The following PPM1A variants were observed in gnomAD, a reference collection of about 807,000 sequenced individuals.
PPM1A encodes protein phosphatase, Mg2+/Mn2+ dependent 1A.
PPM1A carries 7 observed loss-of-function variants against 35.0 expected under a neutral mutation model. That is an observed-to-expected ratio of 0.20 (90% CI 0.11 to 0.38). The LOEUF (loss-of-function observed/expected upper bound fraction) is 0.38, where lower values mean the gene tolerates loss of function less well. Among genes scored for constraint, PPM1A ranks in the 10% least tolerant of loss-of-function variants. PPM1A has a pLI of 1.00. For synonymous variants in PPM1A, 153 were observed against 167.3 expected (o/e 0.91, Z 0.66); for missense variants, 239 against 467.8 (o/e 0.51, Z 4.51).
In PPM1A at chr14:60,289,146, T is replaced by C. The variant is rs1003594512; in HGVS notation, c.953-660T>C. ...CTTTTTAAACATTTTATAAGGAAAT[T>C]TAGACCTTTTCTATTCAAGGCTTTG... On this transcript the variant is annotated intron_variant, in intron 3 of 5. Coordinates refer to ENST00000395076, the MANE Select transcript of PPM1A (RefSeq NM_021003.5). This position sits in a 1 kb window ranked among gnomAD's most constrained non-coding sequence, Gnocchi z 4.1. Among the ~76,000 whole-genome samples, 1 of 152,118 alleles carries C rather than the reference T, an allele frequency of 6.6e-6. No individual in the cohort carries two copies. Among genetic ancestry groups the C allele is most frequent in the Non-Finnish European group, 1.5e-5 (1 of 67,970 alleles).
At chr14:60,265,091 A>G (rs186358329) in intron 1 of PPM1A, among the ~76,000 whole-genome samples, 1 of 152,140 alleles carries the variant, frequency 6.6e-6, no homozygotes, top group Non-Finnish European at 1.5e-5. Context: ...GTGTTTTTAC[A>G]TGCACCTACA....
At chr14:60,286,714 C>T (rs982958918) in intron 3 of PPM1A, 1 of 983,838 alleles carries the variant, frequency 1.0e-6, no homozygotes, top group Non-Finnish European at 1.2e-6. Context: ...TGATACCAAT[C>T]ATAATCAGTC....
chr14:60,266,965 CTTG>C (rs1884460879), intron 1 of PPM1A, among the ~76,000 whole-genome samples: 1 of 152,004 alleles, frequency 6.6e-6, no homozygotes, highest in Non-Finnish European at 1.5e-5. Flanking sequence ...GGTTCTATTT[CTTG>C]TTATTTATTT....
intron 5 of PPM1A, 148 bp downstream of exon 5, chr14:60,291,602 T>C: frequency 2.0e-6 from 1 of 507,298 alleles, no homozygotes; most frequent in Non-Finnish European, 3.3e-6. Flanking sequence ...TGCTCTGATC[T>C]CTGCCTGCAC....
intron 5 of PPM1A, 40 bp downstream of exon 5, chr14:60,291,494 C>G (rs200108587): frequency 1.3e-6 from 2 of 1,491,122 alleles, no homozygotes; most frequent in Non-Finnish European, 1.8e-6. Flanking sequence ...CCCTTCCCCT[C>G]CACTCTAAAT....
In PPM1A at chr14:60,273,683, T is replaced by A. The variant is rs1249069924; in HGVS notation, c.-20-9001T>A. 6.6e-6 allele frequency among the ~76,000 whole-genome samples: 1 copy of A among 152,190 alleles called. No individual in the cohort carries two copies. Among genetic ancestry groups the A allele is most frequent in the East Asian group, 1.9e-4 (1 of 5,190 alleles). ...CGTGAAGAGACTAAAGACGCTAGTA[T>A]TCTGCAGTGAGAATGATGGTAACTT... On this transcript the variant is annotated intron_variant, in intron 1 of 5. Transcript: ENST00000395076. The surrounding 1 kb of genome is among the most constrained non-coding windows in gnomAD (Gnocchi z 4.3).
chr14:60,283,212 T>A lies in PPM1A; in HGVS notation c.509T>A (p.Leu170Gln), dbSNP rs1886596127. 6.2e-7 allele frequency: 1 copy of A among 1,614,112 alleles called. No individual in the cohort carries two copies. Among genetic ancestry groups the A allele is most frequent in the Non-Finnish European group, 8.5e-7 (1 of 1,180,048 alleles). Reference protein sequence around the residue: ...FTQDHKPSNPLEKERIQNAGG... With the variant: ...FTQDHKPSNPQEKERIQNAGG... ...CAAGATCACAAACCAAGTAATCCGC[T>A]GGAGAAAGAACGAATTCAGAATGCA... is the stretch of plus-strand genomic sequence containing the variant. Residue 170 changes from leucine to glutamine, a missense_variant, in exon 2 of 6, where the codon CTG becomes CAG. By Grantham distance (113) the Leu-to-Gln change is moderately radical. Transcript: ENST00000395076. The surrounding 1 kb of genome is among the most constrained non-coding windows in gnomAD (Gnocchi z 6.3).
Position 60,295,739 on chromosome 14 carries a change from T to C in PPM1A, c.*3257T>C, listed in dbSNP as rs1888009972. On this transcript the variant is annotated 3_prime_UTR_variant, in exon 6 of 6. Coordinates refer to ENST00000395076, the MANE Select transcript of PPM1A (RefSeq NM_021003.5). The stretch of plus-strand genomic sequence containing the variant: ...TATAATCTAGTGTATGTTAGTATTA[T>C]AACTGGATCACTCATCAAAAAATAT... 1 of 151,634 alleles carries C rather than the reference T, an allele frequency of 6.6e-6. No individual in the cohort carries two copies. Among genetic ancestry groups the C allele is most frequent in the South Asian group, 2.1e-4 (1 of 4,832 alleles). 9.4% of individuals were successfully genotyped at this position (151,634 alleles called of 1,614,324 possible). A position where few individuals can be genotyped will look rare whatever the true frequency, so the allele number is the denominator to read the frequency against.
chr14:60,262,139 G>C (rs1356827293), intron 1 of PPM1A, among the ~76,000 whole-genome samples: 1 of 152,138 alleles, frequency 6.6e-6, no homozygotes, highest in Non-Finnish European at 1.5e-5. Context: ...GTTTATAGTA[G>C]TAGAAACCAA....
intron 1 of PPM1A, among the ~76,000 whole-genome samples, chr14:60,250,174 A>G (rs1294165924): frequency 6.6e-6 from 1 of 152,108 alleles, no homozygotes; most frequent in African/African-American, 2.4e-5. Context: ...ATTCTGTAGA[A>G]ATTGCTTAAG....
At chr14:60,246,572 G>A (rs1881796844), upstream of PPM1A, among the ~76,000 whole-genome samples, 2 of 152,142 alleles carry the variant, frequency 1.3e-5, no homozygotes. Flanking sequence ...CCAAATATGT[G>A]TAGAGGCCCG....
upstream of PPM1A, chr14:60,245,751 T>C (rs1881741486): frequency 4.3e-6 from 5 of 1,152,828 alleles, no homozygotes; most frequent in African/African-American, 1.6e-5. This position sits in a 1 kb window ranked among gnomAD's most constrained non-coding sequence, Gnocchi z 4.2. Flanking sequence ...AAGTTTCTCA[T>C]AATGTATTAT....
At position 60,284,095 on chromosome 14, in the gene PPM1A, T is replaced by C. The variant is rs147163240; in HGVS notation, c.834+558T>C. ...CTATTTAAACTCTAATCAGTTTTTT[T>C]CATCATAAAAAGGATAAGACATTAT... On this transcript the variant is annotated intron_variant, in intron 2 of 5. Transcript: ENST00000395076. Among the ~76,000 whole-genome samples the C allele has an allele frequency of 2.0e-3, 298 of 152,354 alleles. 1 individual carries two copies. The highest frequency in any genetic ancestry group is 6.7e-3 in the African/African-American group (277 of 41,584).
At chr14:60,287,019 T>G in intron 3 of PPM1A, 2 of 921,526 alleles carry the variant, frequency 2.2e-6, no homozygotes, top group Non-Finnish European at 2.6e-6. Context: ...TGGGAAAATT[T>G]AAATTCATAA....
At chr14:60,288,317 A>G (rs938267861) in intron 3 of PPM1A, 5 of 963,588 alleles carry the variant, frequency 5.2e-6, no homozygotes, top group Middle Eastern at 1.1e-3. Flanking sequence ...ACCTGAAACT[A>G]TTGATTCAAT....
chr14:60,276,830 A>G (rs774032948), intron 1 of PPM1A, among the ~76,000 whole-genome samples: 1 of 152,188 alleles, frequency 6.6e-6, no homozygotes, highest in Non-Finnish European at 1.5e-5. Flanking sequence ...TCAAGACTCT[A>G]CTATGAGTTC....
At chr14:60,285,886 T>G in intron 3 of PPM1A, 145 bp downstream of exon 3, 1 of 1,430,854 alleles carries the variant, frequency 7.0e-7, no homozygotes, top group South Asian at 1.6e-5. Context: ...ATTTCTGTAG[T>G]AGCTGTTAAG....
At chr14:60,285,947 G>T in intron 3 of PPM1A, 9 of 1,265,200 alleles carry the variant, frequency 7.1e-6, no homozygotes, top group Non-Finnish European at 9.0e-6. Flanking sequence ...AACTAGTGTG[G>T]AAAGTAACCC....
chr14:60,260,471 C>G, intron 1 of PPM1A, among the ~76,000 whole-genome samples: 1 of 152,140 alleles, frequency 6.6e-6, no homozygotes, highest in South Asian at 2.1e-4. Context: ...GTTTTTTAAC[C>G]TTTTTATATA....
Sources: allele counts gnomAD v4.1 joint callset (sites outside exome capture counted in the v4.1 genomes callset), GRCh38; gene constraint gnomAD v4.1.1; non-coding constraint Gnocchi (gnomAD v3.1); transcripts MANE v1.5; gene names NCBI Gene and HGNC (gene_info 2026-07-23, HGNC 2026-07-21).